Variants in MAPKAPK3 observed in about 807,000 individuals in gnomAD.
MAPKAPK3 encodes the protein MAP kinase-activated protein kinase 3.
In MAPKAPK3, 35 loss-of-function variants were observed where a neutral mutation model predicts 49.2. The observed-to-expected ratio is 0.71, with a 90% CI of 0.54 to 0.94. The LOEUF is 0.94. Ranked by LOEUF, MAPKAPK3 falls within the 40% of genes least tolerant of loss-of-function variation. The pLI is 0.00. For missense variants in MAPKAPK3, 398 were observed against 493.1 expected (o/e 0.81, Z 1.83); for synonymous variants, 178 against 188.7 (o/e 0.94, Z 0.46).
chr3:50,642,231 CCCT>C lies in MAPKAPK3; in HGVS notation c.425-14_425-12del, dbSNP rs767229863. The C allele has an allele frequency of 1.9e-5, 29 of 1,558,410 alleles. No homozygotes were observed. Among genetic ancestry groups the C allele is most frequent in the Non-Finnish European group, 2.5e-5 (28 of 1,129,748 alleles). On this transcript the variant is annotated intron_variant, in intron 4 of 10. Transcript: ENST00000621469. Reference sequence around the variant, plus strand: ...TGACCTTTGACTGGCATCACTGACCCCCTCCTCCTCTGTTTCTGCAGAAGCTGC... The same window carrying C: ...TGACCTTTGACTGGCATCACTGACCCCCTCCTCTGTTTCTGCAGAAGCTGC...
chr3:50,611,690 T>C (rs748251754), upstream of MAPKAPK3: 1 of 1,460,582 alleles, frequency 6.8e-7, no homozygotes, highest in South Asian at 1.3e-5. Flanking sequence ...GGGACTCGGC[T>C]GGACGGCGGC....
intron 10 of MAPKAPK3, among the ~76,000 whole-genome samples, chr3:50,647,549 A>C (rs893619155): frequency 6.6e-6 from 1 of 152,256 alleles, no homozygotes; most frequent in Non-Finnish European, 1.5e-5. Flanking sequence ...CCAGTGGCAC[A>C]ATCTCCAGGC....
intron 6 of MAPKAPK3, among the ~76,000 whole-genome samples, chr3:50,645,198 G>GT (rs2033259304): frequency 6.6e-6 from 1 of 152,210 alleles, no homozygotes; most frequent in Non-Finnish European, 1.5e-5. Context: ...ACTAGGATGT[G>GT]TTTTGCACTA....
upstream of MAPKAPK3, among the ~76,000 whole-genome samples, chr3:50,613,485 C>T (rs182834125): frequency 4.9e-4 from 74 of 152,298 alleles, no homozygotes; most frequent in African/African-American, 1.6e-3. Flanking sequence ...TTATAACCCA[C>T]TTTGAGGGCT....
intron 2 of MAPKAPK3, among the ~76,000 whole-genome samples, chr3:50,625,441 T>G (rs2032713725): frequency 1.3e-5 from 2 of 152,172 alleles, no homozygotes; most frequent in South Asian, 4.1e-4. Context: ...TTAGGCCCTG[T>G]GCAATTGTGA....
At chr3:50,620,684 C>A (rs1426824960) in intron 2 of MAPKAPK3, among the ~76,000 whole-genome samples, 2 of 152,202 alleles carry the variant, frequency 1.3e-5, no homozygotes, top group African/African-American at 4.8e-5. Context: ...CTGCTTGGTT[C>A]ATCTTGGCCT....
At chr3:50,632,204 G>C (rs2032931847) in intron 2 of MAPKAPK3, among the ~76,000 whole-genome samples, 1 of 152,230 alleles carries the variant, frequency 6.6e-6, no homozygotes. Flanking sequence ...GGTTTGATGT[G>C]AAATCCCTTT....
intron 2 of MAPKAPK3, among the ~76,000 whole-genome samples, chr3:50,628,750 G>A (rs973229161): frequency 6.6e-5 from 10 of 152,164 alleles, no homozygotes; most frequent in African/African-American, 2.4e-4. Context: ...CTCTGGGGGA[G>A]GGGAGGAGGC....
chr3:50,646,928 A>G, intron 9 of MAPKAPK3, 103 bp downstream of exon 9: 1 of 1,238,400 alleles, frequency 8.1e-7, no homozygotes, highest in Non-Finnish European at 1.2e-6. Context: ...GCAGGGCTGG[A>G]ATGGGCCCAT....
intron 6 of MAPKAPK3, 21 bp from the exon 7 acceptor site, chr3:50,645,689 G>A: frequency 6.2e-7 from 1 of 1,609,314 alleles, no homozygotes; most frequent in Non-Finnish European, 8.5e-7. Flanking sequence ...TGAGAGCCCT[G>A]CTGTCCCTCT....
chr3:50,636,586 A>C (rs1017379587), intron 2 of MAPKAPK3, among the ~76,000 whole-genome samples: 1 of 152,216 alleles, frequency 6.6e-6, no homozygotes, highest in Non-Finnish European at 1.5e-5. Context: ...AACTCATTGA[A>C]TTGGACCCTT....
At chr3:50,647,280 G>A in intron 10 of MAPKAPK3, 77 bp downstream of exon 10, 1 of 1,233,446 alleles carries the variant, frequency 8.1e-7, no homozygotes, top group East Asian at 2.5e-5. Context: ...TGGCTACCCA[G>A]GGTCTGGGGT....
upstream of MAPKAPK3, among the ~76,000 whole-genome samples, chr3:50,615,979 G>C (rs914061513): frequency 8.5e-5 from 13 of 152,164 alleles, no homozygotes; most frequent in South Asian, 2.3e-3. Flanking sequence ...GAGTGTGCGT[G>C]TGTTAACCAG....
chr3:50,617,817 C>T, intron 2 of MAPKAPK3, 33 bp downstream of exon 2: 1 of 1,552,326 alleles, frequency 6.4e-7, no homozygotes, highest in Non-Finnish European at 8.9e-7. Context: ...CTGGGGTATC[C>T]TGGAGGGTCC....
intron 2 of MAPKAPK3, among the ~76,000 whole-genome samples, chr3:50,623,305 T>C (rs886665100): frequency 2.0e-5 from 3 of 152,210 alleles, no homozygotes; most frequent in African/African-American, 7.2e-5. Context: ...CAATTTGCTT[T>C]TTCATGAAGA....
chr3:50,630,459 C>G (rs1317437071), intron 2 of MAPKAPK3, among the ~76,000 whole-genome samples: 1 of 152,258 alleles, frequency 6.6e-6, no homozygotes, highest in Non-Finnish European at 1.5e-5. Context: ...CCCAGAGAAT[C>G]CACAAAGCCT....
chr3:50,626,772 A>G (rs941554109), intron 2 of MAPKAPK3, among the ~76,000 whole-genome samples: 4 of 152,216 alleles, frequency 2.6e-5, no homozygotes, highest in Non-Finnish European at 4.4e-5. Context: ...AGAAAGGCAG[A>G]GTAACTCACC....
At chr3:50,627,474 C>A (rs1344538236) in intron 2 of MAPKAPK3, among the ~76,000 whole-genome samples, 2 of 152,180 alleles carry the variant, frequency 1.3e-5, no homozygotes, top group Non-Finnish European at 2.9e-5. Flanking sequence ...CTATATTCTG[C>A]CAGGGTCAGG....
intron 2 of MAPKAPK3, among the ~76,000 whole-genome samples, chr3:50,631,863 C>T (rs1462793049): frequency 6.6e-6 from 1 of 152,228 alleles, no homozygotes; most frequent in South Asian, 2.1e-4. Context: ...GTGTTGAGCA[C>T]GTGCACTGAG....
Sources: gnomAD v4.1 joint callset for allele counts (sites outside exome capture counted in the v4.1 genomes callset) on GRCh38, gnomAD v4.1.1 for gene constraint, MANE v1.5 for transcripts, NCBI Gene and HGNC (gene_info 2026-07-23, HGNC 2026-07-21) for gene names.